The following RASA3 variants were observed in gnomAD, a reference collection of about 807,000 sequenced individuals.
The protein encoded by RASA3 is RAS p21 protein activator 3, also known as ras GTPase-activating protein 3.
Under a neutral mutation model 110.0 loss-of-function variants are expected in RASA3, and 73 were observed. The ratio of observed to expected loss-of-function variants is 0.66; its 90% confidence interval spans 0.55 to 0.81. RASA3 has a LOEUF of 0.81. Ranked by LOEUF, RASA3 falls within the 30% of genes least tolerant of loss-of-function variation. The probability of loss-of-function intolerance (pLI) is 0.00; values close to 1 mark genes in which losing one functional copy is unlikely to be tolerated. For synonymous variants in RASA3, 500 were observed against 451.4 expected (o/e 1.11, Z -1.37); for missense variants, 976 against 1,113.2 (o/e 0.88, Z 1.75).
intron 7 of RASA3, 90 bp downstream of exon 7, chr13:114,027,299 A>G: frequency 8.9e-7 from 1 of 1,122,156 alleles, no homozygotes; most frequent in Admixed American, 2.0e-5. Flanking sequence ...TCCAGAGGGA[A>G]GAGACTGAGA....
rs2274720 is a variant in RASA3, at chr13:114,015,162, G to C, written c.1405+47C>G. 0.16 allele frequency: 258,024 copies of C among 1,607,744 alleles called. 22,164 individuals carry two copies. Among genetic ancestry groups the C allele is most frequent in the African/African-American group, 0.28 (20,975 of 74,946 alleles). On this transcript the variant is annotated intron_variant, in intron 14 of 23. Coordinates refer to ENST00000334062, the MANE Select transcript of RASA3 (RefSeq NM_007368.4). ...GCCTGGGTGGGAGTCACCCTGCACAGCGCTATGGCAGTTTCTCAGCAACAT... is the reference window on the plus strand; with the variant it reads ...GCCTGGGTGGGAGTCACCCTGCACACCGCTATGGCAGTTTCTCAGCAACAT...
At position 113,996,722 on chromosome 13, in the gene RASA3, CTGGA is replaced by C. The variant is rs1226325600; in HGVS notation, c.1946_1949del (p.Ile649SerfsTer26). ...CCTGGATGTACAGCGCACGCTCTGG[CTGGA>C]TGACCTGGAACATCTGAGGACACAG... On this transcript the variant is annotated frameshift_variant, in exon 21 of 24. Transcript: ENST00000334062. LOFTEE classifies it high-confidence loss of function. The C allele has an allele frequency of 6.2e-7, 1 of 1,613,520 alleles. No individual in the cohort carries two copies. The highest frequency in any genetic ancestry group is 1.3e-5 in the African/African-American group (1 of 74,950).
At chr13:114,061,578 G>C (rs927495654) in intron 2 of RASA3, among the ~76,000 whole-genome samples, 3 of 151,408 alleles carry the variant, frequency 2.0e-5, no homozygotes, top group African/African-American at 7.3e-5. Flanking sequence ...TCAGGAGGCT[G>C]AGGCAGGAGA....
At chr13:114,009,989 T>C (rs1206497320) in intron 16 of RASA3, among the ~76,000 whole-genome samples, 2 of 152,180 alleles carry the variant, frequency 1.3e-5, no homozygotes, top group Non-Finnish European at 2.9e-5. Flanking sequence ...TTCCTGTTGT[T>C]TCCACACTGA....
At chr13:114,070,938 AC>A in intron 2 of RASA3, among the ~76,000 whole-genome samples, 1 of 112,268 alleles carries the variant, frequency 8.9e-6, no homozygotes, top group African/African-American at 3.9e-5. Context: ...GCCGGCGTCC[AC>A]GCTAAACGGC....
chr13:114,060,954 C>G (rs1161766366), intron 2 of RASA3, among the ~76,000 whole-genome samples: 3 of 150,484 alleles, frequency 2.0e-5, no homozygotes, highest in Non-Finnish European at 4.4e-5. Flanking sequence ...CGGAGCCCCC[C>G]ACAGCCGGCA....
At chr13:114,074,009 G>C (rs4287443) in intron 1 of RASA3, among the ~76,000 whole-genome samples, 172 bp from the exon 2 acceptor site, 21 of 152,164 alleles carry the variant, frequency 1.4e-4, no homozygotes, top group Non-Finnish European at 2.9e-4. Context: ...GTGTACTGCC[G>C]AAAGGCGAGG....
chr13:114,116,477 G>A lies in RASA3; in HGVS notation c.55+15958C>T, dbSNP rs566441899. 3.1e-3 allele frequency among the ~76,000 whole-genome samples: 471 copies of A among 151,916 alleles called. 1 individual carries two copies. The highest frequency in any genetic ancestry group is 5.6e-3 in the Non-Finnish European group (382 of 67,936). ...GGAAACTGGTGACTGAGCGGCGCCC[G>A]TCAGAGCCATTAAAACGTGAGGGAA... On this transcript the variant is annotated intron_variant, in intron 1 of 23. Transcript: ENST00000334062.
chr13:113,989,751 C>T lies in RASA3; in HGVS notation c.2245+2734G>A, dbSNP rs537745098. On this transcript the variant is annotated intron_variant, in intron 22 of 23. Transcript: ENST00000334062. The stretch of plus-strand genomic sequence containing the variant: ...ACCGTCCATCCACCCATCTACCCAC[C>T]CACTCAGCTGCCTGCCCCGCCATCT... Among the ~76,000 whole-genome samples, 443 of 152,372 alleles carry T rather than the reference C, an allele frequency of 2.9e-3. 7 individuals carry two copies. Among genetic ancestry groups the T allele is most frequent in the African/African-American group, 0.01 (426 of 41,584 alleles).
Position 114,048,455 on chromosome 13 carries a change from G to A in RASA3, c.277+3597C>T, listed in dbSNP as rs1486527138. Among the ~76,000 whole-genome samples, 1 of 150,320 alleles carries A rather than the reference G, an allele frequency of 6.7e-6. No homozygotes were observed. The highest frequency in any genetic ancestry group is 2.1e-4 in the South Asian group (1 of 4,818). On this transcript the variant is annotated intron_variant, in intron 3 of 23. Coordinates refer to ENST00000334062, the MANE Select transcript of RASA3 (RefSeq NM_007368.4). The surrounding 1 kb of genome is among the most constrained non-coding windows in gnomAD (Gnocchi z 4.3). ...TACCAGAGCCGGGGCCCAGAGGAAG[G>A]TGGAGGCCTAGCGGGAAAAGGAGGG...
intron 19 of RASA3, 131 bp downstream of exon 19, chr13:114,000,695 C>T (rs946524104): frequency 2.9e-6 from 2 of 682,192 alleles, no homozygotes; most frequent in Non-Finnish European, 5.1e-6. Flanking sequence ...GGCTCTGGGT[C>T]ACCGCGGCCC....
intron 3 of RASA3, among the ~76,000 whole-genome samples, chr13:114,050,211 A>G (rs1294437610): frequency 6.6e-6 from 1 of 152,160 alleles, no homozygotes; most frequent in African/African-American, 2.4e-5. Flanking sequence ...TGCAGGGGTC[A>G]CGCTGGACCC....
Position 114,057,703 on chromosome 13 carries a change from C to T in RASA3, c.174-5548G>A, listed in dbSNP as rs1291727524. 6.6e-6 allele frequency among the ~76,000 whole-genome samples: 1 copy of T among 152,166 alleles called. No homozygotes were observed. The highest frequency in any genetic ancestry group is 6.5e-5 in the Admixed American group (1 of 15,270). On this transcript the variant is annotated intron_variant, in intron 2 of 23. Coordinates refer to ENST00000334062, the MANE Select transcript of RASA3 (RefSeq NM_007368.4). The surrounding 1 kb of genome is among the most constrained non-coding windows in gnomAD (Gnocchi z 5.0). Reference sequence around the variant, plus strand: ...CCCAGCTCAAGGAGGAGAGTGGAGGCGGTTCCCCACCTTCTGGGGGCAGTT... The same window carrying T: ...CCCAGCTCAAGGAGGAGAGTGGAGGTGGTTCCCCACCTTCTGGGGGCAGTT...
At chr13:114,125,133 C>G (rs971786244) in intron 1 of RASA3, among the ~76,000 whole-genome samples, 5 of 152,182 alleles carry the variant, frequency 3.3e-5, no homozygotes, top group African/African-American at 9.7e-5. Flanking sequence ...CGTGGAACTT[C>G]CTGCGAGTCA....
At chr13:114,094,178 A>T (rs970285522) in intron 1 of RASA3, among the ~76,000 whole-genome samples, 1 of 152,218 alleles carries the variant, frequency 6.6e-6, no homozygotes, top group Non-Finnish European at 1.5e-5. Flanking sequence ...GCATAGGTAC[A>T]GAATTCTTGT....
In RASA3 at chr13:114,065,961, C is replaced by T. The variant is rs942786991; in HGVS notation, c.173+7759G>A. 5.3e-5 allele frequency among the ~76,000 whole-genome samples: 8 copies of T among 152,162 alleles called. No homozygotes were observed. Among genetic ancestry groups the T allele is most frequent in the Admixed American group, 1.3e-4 (2 of 15,282 alleles). ...GGCTGAGACTCACAGCTGCAGCGGCCGTGGTGAGCCACCTCACCTCCCCGA... is the reference window on the plus strand; with the variant it reads ...GGCTGAGACTCACAGCTGCAGCGGCTGTGGTGAGCCACCTCACCTCCCCGA... On this transcript the variant is annotated intron_variant, in intron 2 of 23. Transcript: ENST00000334062. This position sits in a 1 kb window ranked among gnomAD's most constrained non-coding sequence, Gnocchi z 4.1.
intron 1 of RASA3, among the ~76,000 whole-genome samples, 153 bp from the exon 2 acceptor site, chr13:114,073,990 G>T (rs2079624827): frequency 6.6e-6 from 1 of 152,196 alleles, no homozygotes; most frequent in Non-Finnish European, 1.5e-5. Context: ...ATGTGGATGT[G>T]CACCCCATGT....
chr13:113,994,192 A>T (rs948768259), intron 21 of RASA3, among the ~76,000 whole-genome samples: 16 of 152,232 alleles, frequency 1.1e-4, no homozygotes, highest in African/African-American at 3.6e-4. Flanking sequence ...CTCTTGTAAA[A>T]AAAGAAGTGG....
chr13:114,055,173 T>C (rs1481994898), intron 2 of RASA3, among the ~76,000 whole-genome samples: 1 of 152,012 alleles, frequency 6.6e-6, no homozygotes, highest in Non-Finnish European at 1.5e-5. Flanking sequence ...TGTGCATGGG[T>C]GTGTGCATGC....
Sources: gnomAD v4.1 joint callset for allele counts (sites outside exome capture counted in the v4.1 genomes callset) on GRCh38, gnomAD v4.1.1 for gene constraint, Gnocchi (gnomAD v3.1) non-coding constraint, MANE v1.5 for transcripts, NCBI Gene and HGNC (gene_info 2026-07-23, HGNC 2026-07-21) for gene names.